TRAPPC8: variants seen among roughly 807,000 people sequenced by gnomAD.
The protein encoded by TRAPPC8 is trafficking protein particle complex subunit 8.
Under a neutral mutation model 174.3 loss-of-function variants are expected in TRAPPC8, and 54 were observed. The ratio of observed to expected loss-of-function variants is 0.31; its 90% CI spans 0.25 to 0.39. The LOEUF (loss-of-function observed/expected upper bound fraction) is 0.39. Ranked by LOEUF, TRAPPC8 falls within the 10% of genes least tolerant of loss-of-function variation. The pLI is 1.00. For synonymous variants in TRAPPC8, 630 were observed against 579.9 expected (o/e 1.09, Z -1.24); for missense variants, 1,531 against 1,699.1 (o/e 0.90, Z 1.74).
At chr18:31,901,896 T>C (rs77363422) in intron 9 of TRAPPC8, among the ~76,000 whole-genome samples, 9,095 of 152,294 alleles carry the variant, frequency 0.06, 285 homozygotes, top group Middle Eastern at 0.11. Context: ...GGCCTAGTGG[T>C]TAGGTGTGTT....
chr18:31,832,367 G>A, intron 27 of TRAPPC8, 194 bp from the exon 28 acceptor site: 1 of 218,522 alleles, frequency 4.6e-6, no homozygotes, highest in Non-Finnish European at 8.5e-6. Context: ...TTAATACAAT[G>A]ACAATATTAA....
At chr18:31,918,737 C>T (rs2037251227) in intron 2 of TRAPPC8, among the ~76,000 whole-genome samples, 1 of 152,136 alleles carries the variant, frequency 6.6e-6, no homozygotes, top group Non-Finnish European at 1.5e-5. Flanking sequence ...AGTGTATTTT[C>T]ATTGTTTGTA....
chr18:31,921,572 C>T, intron 2 of TRAPPC8, among the ~76,000 whole-genome samples: 1 of 148,646 alleles, frequency 6.7e-6, no homozygotes. Context: ...GCCAAGATCG[C>T]ACCATTGTAC....
rs2032241209 is a variant in TRAPPC8 at position 31,829,561 on chromosome 18, CAAG to C, written c.*1191_*1193del. On this transcript the variant is annotated 3_prime_UTR_variant, in exon 29 of 29. Transcript: ENST00000283351. Reference sequence around the variant, plus strand: ...GCACACAGACTAGCCACCCATCTCTCAAGAAGAGTTGTTCCAAGTACAGGTTTG... The same window carrying C: ...GCACACAGACTAGCCACCCATCTCTCAAGAGTTGTTCCAAGTACAGGTTTG... The C allele has an allele frequency of 6.6e-6, 1 of 152,290 alleles. No individual in the cohort carries two copies. Among genetic ancestry groups the C allele is most frequent in the African/African-American group, 2.4e-5 (1 of 41,454 alleles). 9.4% of individuals were successfully genotyped at this position (152,290 alleles called of 1,614,324 possible).
In TRAPPC8 at chr18:31,837,208, T is replaced by A. The variant is rs1036948714; in HGVS notation, c.3983+2104A>T. On this transcript the variant is annotated intron_variant, in intron 27 of 28. Transcript: ENST00000283351. Reference sequence around the variant, plus strand: ...ATTTAAAAAATAACTTAGGATAAAATTTTTTAAAGATCCAACAAGAGTTAA... The same window carrying A: ...ATTTAAAAAATAACTTAGGATAAAAATTTTTAAAGATCCAACAAGAGTTAA... Among the ~76,000 whole-genome samples the A allele has an allele frequency of 3.3e-5, 5 of 152,164 alleles. 1 individual carries two copies. The highest frequency in any genetic ancestry group is 2.0e-4 in the Admixed American group (3 of 15,282).
chr18:31,858,016 T>C, intron 19 of TRAPPC8, 34 bp from the exon 20 acceptor site: 7 of 1,529,408 alleles, frequency 4.6e-6, no homozygotes, highest in Non-Finnish European at 6.1e-6. Context: ...ATTATTTGTC[T>C]GTTAAAAATT....
At chr18:31,914,978 G>T (rs1266229545) in intron 4 of TRAPPC8, among the ~76,000 whole-genome samples, 2 of 152,122 alleles carry the variant, frequency 1.3e-5, no homozygotes, top group Admixed American at 1.3e-4. Flanking sequence ...AGTGGACAGT[G>T]GAAAAAGTGC....
chr18:31,838,181 G>C (rs2032876114), intron 27 of TRAPPC8, among the ~76,000 whole-genome samples: 1 of 152,072 alleles, frequency 6.6e-6, no homozygotes, highest in Admixed American at 6.6e-5. Flanking sequence ...CACTGTCAAG[G>C]TCTTAATTTT....
chr18:31,837,303 C>A (rs1336948062), intron 27 of TRAPPC8, among the ~76,000 whole-genome samples: 1 of 144,804 alleles, frequency 6.9e-6, no homozygotes, highest in Non-Finnish European at 1.5e-5. Flanking sequence ...TTAGTAAAAC[C>A]ACTTTGGAGA....
intron 2 of TRAPPC8, among the ~76,000 whole-genome samples, chr18:31,925,128 G>A (rs1212554966): frequency 1.3e-5 from 2 of 151,910 alleles, no homozygotes; most frequent in Non-Finnish European, 1.5e-5. Flanking sequence ...CTTATACTCA[G>A]TCAGGGTTTT....
At chr18:31,933,280 A>G (rs1048465992) in intron 1 of TRAPPC8, among the ~76,000 whole-genome samples, 11 of 146,114 alleles carry the variant, frequency 7.5e-5, no homozygotes, top group Admixed American at 4.8e-4. Context: ...CAGCCTGGGC[A>G]ACAGAGCGAG....
chr18:31,875,042 CAACTT>C (rs1419363824), intron 12 of TRAPPC8, among the ~76,000 whole-genome samples: 3 of 152,116 alleles, frequency 2.0e-5, no homozygotes, highest in Admixed American at 2.0e-4. Context: ...GCTTACTTCT[CAACTT>C]GACTTTATCT....
intron 12 of TRAPPC8, among the ~76,000 whole-genome samples, chr18:31,881,122 C>G (rs1388489025): frequency 1.3e-5 from 2 of 151,908 alleles, no homozygotes; most frequent in African/African-American, 2.4e-5. Context: ...ATGTCATTTT[C>G]CACAGAATTA....
chr18:31,903,566 A>G (rs2036535928), intron 9 of TRAPPC8, among the ~76,000 whole-genome samples: 2 of 152,354 alleles, frequency 1.3e-5, no homozygotes, highest in South Asian at 4.1e-4. Context: ...ATCTCTTTCC[A>G]ATTTATTGGC....
chr18:31,858,006 A>C (rs763913915), intron 19 of TRAPPC8, 24 bp from the exon 20 acceptor site: 1 of 1,537,892 alleles, frequency 6.5e-7, no homozygotes, highest in South Asian at 1.3e-5. Context: ...AAAAAATATT[A>C]TTATTTGTCT....
intron 26 of TRAPPC8, among the ~76,000 whole-genome samples, chr18:31,842,348 TG>T (rs1337302181): frequency 6.6e-6 from 1 of 152,216 alleles, no homozygotes; most frequent in African/African-American, 2.4e-5. Context: ...CTGACCAATG[TG>T]CACAGGGTTT....
intron 2 of TRAPPC8, among the ~76,000 whole-genome samples, chr18:31,924,145 C>G (rs555810966): frequency 6.6e-6 from 1 of 151,378 alleles, no homozygotes; most frequent in Non-Finnish European, 1.5e-5. Context: ...ATTAGCCAGG[C>G]GTGGTGGCGG....
At chr18:31,898,105 A>G (rs1348570051) in intron 10 of TRAPPC8, among the ~76,000 whole-genome samples, 1 of 152,176 alleles carries the variant, frequency 6.6e-6, no homozygotes, top group Non-Finnish European at 1.5e-5. Flanking sequence ...ATCCTCTTAT[A>G]TAATTTAAAT....
chr18:31,843,442 G>A (rs1217725908), intron 26 of TRAPPC8, among the ~76,000 whole-genome samples: 1 of 152,078 alleles, frequency 6.6e-6, no homozygotes, highest in African/African-American at 2.4e-5. Context: ...ATAATTTTGT[G>A]CACAGCATTC....
Sources: gnomAD v4.1 joint callset for allele counts (sites outside exome capture counted in the v4.1 genomes callset) on GRCh38, gnomAD v4.1.1 for gene constraint, MANE v1.5 for transcripts, NCBI Gene and HGNC (gene_info 2026-07-23, HGNC 2026-07-21) for gene names.